The following KLHL2 variants were observed in gnomAD, a reference collection of about 807,000 sequenced individuals.
The protein encoded by KLHL2 is kelch like family member 2.
KLHL2 carries 15 observed loss-of-function variants against 75.8 expected under a neutral mutation model. The ratio of observed to expected loss-of-function variants is 0.20; its 90% confidence interval spans 0.13 to 0.30. The LOEUF (loss-of-function observed/expected upper bound fraction) is 0.30, where lower values mean the gene tolerates loss of function less well. KLHL2 is among the 10% of genes least tolerant of loss of function. KLHL2 has a pLI of 1.00. For missense variants in KLHL2, 381 were observed against 741.0 expected (o/e 0.51, Z 5.64); for synonymous variants, 214 against 251.9 (o/e 0.85, Z 1.42).
At chr4:165,276,136 A>G (rs913959095) in intron 5 of KLHL2, among the ~76,000 whole-genome samples, 1 of 152,066 alleles carries the variant, frequency 6.6e-6, no homozygotes, top group Non-Finnish European at 1.5e-5. Context: ...AACAATAACA[A>G]CAACAAAAAA....
chr4:165,228,316 G>A (rs1449700271), intron 2 of KLHL2, among the ~76,000 whole-genome samples: 3 of 152,108 alleles, frequency 2.0e-5, no homozygotes, highest in African/African-American at 7.2e-5. Context: ...CTTTTAAGCA[G>A]CAAGTGTAAC....
chr4:165,211,356 T>G (rs978780981), intron 1 of KLHL2, among the ~76,000 whole-genome samples: 2 of 152,218 alleles, frequency 1.3e-5, no homozygotes, highest in African/African-American at 2.4e-5. Flanking sequence ...TCTTTAAATT[T>G]AAAAAACTTA....
chr4:165,304,009 G>T (rs753734885), intron 8 of KLHL2, among the ~76,000 whole-genome samples: 18 of 152,108 alleles, frequency 1.2e-4, no homozygotes, highest in Non-Finnish European at 2.4e-4. Context: ...CCCAGTAGCT[G>T]GGATTACAGG....
At chr4:165,250,851 C>T (rs1740644412) in intron 4 of KLHL2, among the ~76,000 whole-genome samples, 1 of 151,920 alleles carries the variant, frequency 6.6e-6, no homozygotes, top group Admixed American at 6.6e-5. Flanking sequence ...AAAAAATGTC[C>T]CTAATTTGCT....
At chr4:165,241,801 A>G in intron 4 of KLHL2, among the ~76,000 whole-genome samples, 1 of 152,136 alleles carries the variant, frequency 6.6e-6, no homozygotes, top group Non-Finnish European at 1.5e-5. Flanking sequence ...TCTCCTTATT[A>G]CACTAATTTT....
intron 5 of KLHL2, chr4:165,278,432 C>T (rs532463667): frequency 6.9e-4 from 1,028 of 1,487,024 alleles, no homozygotes; most frequent in Non-Finnish European, 8.7e-4. Context: ...CAAAATCTCT[C>T]GAGTTTGGAA....
At chr4:165,213,384 T>C (rs1737331674) in intron 1 of KLHL2, among the ~76,000 whole-genome samples, 1 of 152,228 alleles carries the variant, frequency 6.6e-6, no homozygotes, top group Non-Finnish European at 1.5e-5. Context: ...TTATCCTATA[T>C]ATCCAAGATC....
chr4:165,292,315 A>G (rs1744577998), intron 5 of KLHL2, among the ~76,000 whole-genome samples: 1 of 151,226 alleles, frequency 6.6e-6, no homozygotes. Flanking sequence ...TGTTTTTTTT[A>G]TAGTTATCTT....
chr4:165,291,433 A>G (rs1038504152), intron 5 of KLHL2, among the ~76,000 whole-genome samples: 1 of 151,992 alleles, frequency 6.6e-6, no homozygotes, highest in Non-Finnish European at 1.5e-5. Context: ...ATTTTCTCCT[A>G]TGTTATCTTC....
At chr4:165,321,899 TAAGA>T (rs146827072) in intron 14 of KLHL2, 129 bp from the exon 15 acceptor site, 67,642 of 818,874 alleles carry the variant, frequency 0.083, 3,235 homozygotes, top group Middle Eastern at 0.14. Flanking sequence ...TACTAAAGTT[TAAGA>T]AAGAGATTCT....
intron 2 of KLHL2, among the ~76,000 whole-genome samples, chr4:165,225,973 C>G (rs1738402003): frequency 6.6e-6 from 1 of 152,094 alleles, no homozygotes; most frequent in Admixed American, 6.6e-5. Context: ...TGACAGCCAG[C>G]AGGTATTATG....
At chr4:165,238,703 A>G (rs929054799) in intron 3 of KLHL2, 75 bp from the exon 4 acceptor site, 1 of 1,594,934 alleles carries the variant, frequency 6.3e-7, no homozygotes, top group Non-Finnish European at 8.5e-7. Context: ...AAGAAGATGT[A>G]TCAATCTACA....
chr4:165,237,209 A>G (rs918655224), intron 3 of KLHL2, among the ~76,000 whole-genome samples: 4 of 152,138 alleles, frequency 2.6e-5, no homozygotes, highest in Admixed American at 2.6e-4. Flanking sequence ...ATCCAGCAAG[A>G]ATAGGATAGA....
At chr4:165,317,735 G>A in intron 13 of KLHL2, 91 bp from the exon 14 acceptor site, 2 of 935,008 alleles carry the variant, frequency 2.1e-6, no homozygotes, top group East Asian at 2.5e-5. Flanking sequence ...AGAAATTAGT[G>A]TCTCTGGATT....
At position 165,247,882 on chromosome 4, in the gene KLHL2, C is replaced by T. The variant is rs377475355; in HGVS notation, c.381+8983C>T. On this transcript the variant is annotated intron_variant, in intron 4 of 14. Coordinates refer to ENST00000226725, the MANE Select transcript of KLHL2 (RefSeq NM_007246.4). ...TGGGAGCTCATTTGAGATTCGCAGT[C>T]ATAAATATCAGGTAGAATGGTTGTG... Among the ~76,000 whole-genome samples the T allele has an allele frequency of 3.9e-5, 6 of 152,278 alleles. No individual in the cohort carries two copies. In the East Asian group the frequency reaches 9.7e-4, roughly 25 times the overall value.
chr4:165,283,172 G>A (rs1278303836), intron 5 of KLHL2, among the ~76,000 whole-genome samples: 1 of 152,168 alleles, frequency 6.6e-6, no homozygotes, highest in Non-Finnish European at 1.5e-5. Context: ...TGGAGACACA[G>A]AACCAAACTA....
chr4:165,311,167 GTT>G (rs1220672783), intron 10 of KLHL2, among the ~76,000 whole-genome samples: 1 of 152,080 alleles, frequency 6.6e-6, no homozygotes, highest in African/African-American at 2.4e-5. Flanking sequence ...TTAAAGATAA[GTT>G]TAAAATTTTA....
At chr4:165,229,342 G>A (rs888505344) in intron 3 of KLHL2, among the ~76,000 whole-genome samples, 1 of 152,160 alleles carries the variant, frequency 6.6e-6, no homozygotes, top group African/African-American at 2.4e-5. Context: ...TTATCTACAA[G>A]CTCATGTTCT....
rs1247700865 is a variant in KLHL2, at chr4:165,294,474, G to T, written c.654+6G>T. 2.0e-6 allele frequency: 3 copies of T among 1,498,228 alleles called. No homozygotes were observed. The highest frequency in any genetic ancestry group is 2.8e-6 in the Non-Finnish European group (3 of 1,080,540). 92.8% of individuals were successfully genotyped at this position (1,498,228 alleles called of 1,614,324 possible). The stretch of plus-strand genomic sequence containing the variant: ...CCATTTCTTCAGAAGAGAAGGTAAG[G>T]ATATTTTTCTTTTCCCAGTGTGCAA... On this transcript the variant is annotated splice_donor_region_variant and intron_variant, in intron 6 of 14. Coordinates refer to ENST00000226725, the MANE Select transcript of KLHL2 (RefSeq NM_007246.4).
Sources: gnomAD v4.1 joint callset for allele counts (sites outside exome capture counted in the v4.1 genomes callset) on GRCh38, gnomAD v4.1.1 for gene constraint, MANE v1.5 for transcripts, NCBI Gene and HGNC (gene_info 2026-07-23, HGNC 2026-07-21) for gene names.